The following ZNF516 variants were observed in gnomAD, a reference collection of about 807,000 sequenced individuals.
ZNF516 encodes the protein zinc finger protein 516.
A neutral mutation model predicts 79.7 loss-of-function variants in ZNF516; 19 were observed. The observed-to-expected ratio is 0.24, with a 90% CI of 0.17 to 0.35. ZNF516 has a LOEUF of 0.35. Ranked by LOEUF, ZNF516 falls within the 10% of genes least tolerant of loss-of-function variation. The pLI, the probability that ZNF516 is intolerant of heterozygous loss-of-function variation, is 1.00. For synonymous variants in ZNF516, 877 were observed against 739.5 expected (o/e 1.19, Z -3.02); for missense variants, 1,678 against 1,679.5 (o/e 1.00, Z 0.02).
chr18:76,403,537 G>A (rs898978507), intron 3 of ZNF516, among the ~76,000 whole-genome samples: 2 of 152,124 alleles, frequency 1.3e-5, no homozygotes, highest in Non-Finnish European at 2.9e-5. Flanking sequence ...GGACTGCAGG[G>A]GTCAGCGACT....
intron 4 of ZNF516, among the ~76,000 whole-genome samples, chr18:76,375,808 A>G (rs1362516422): frequency 1.3e-5 from 2 of 149,562 alleles, no homozygotes; most frequent in Non-Finnish European, 3.0e-5. Flanking sequence ...TAGAGGATGT[A>G]TGGGAAGGCC....
chr18:76,389,251 G>A (rs374779631), intron 3 of ZNF516: 4 of 151,868 alleles, frequency 2.6e-5, no homozygotes, highest in East Asian at 3.9e-4. Flanking sequence ...CTAAAGTCCC[G>A]GCTTCTGAGG....
chr18:76,442,363 C>T lies in ZNF516; in HGVS notation c.692G>A (p.Ser231Asn), dbSNP rs2145553151. 4 of 1,609,680 alleles carry T rather than the reference C, an allele frequency of 2.5e-6. No homozygotes were observed. Among genetic ancestry groups the T allele is most frequent in the Middle Eastern group, 1.7e-4 (1 of 6,058 alleles). Residue 231 changes from serine to asparagine, a missense_variant, in exon 3 of 7, where the codon AGC (serine) becomes AAC (asparagine). Ser to Asn is a conservative substitution (Grantham distance 46, BLOSUM62 1). Around this residue, in one of 5 missense-constraint regions of ZNF516, gnomAD observed 279 missense variants for 254.1 expected, o/e 1.10. Coordinates refer to ENST00000443185, the MANE Select transcript of ZNF516 (RefSeq NM_014643.4). Reference sequence around the variant, plus strand: ...GCCGTTCTCCACGCAGGCCTCGCCGCTGCCGGGCCCCTGCGCGGTGATGTG... The same window carrying T: ...GCCGTTCTCCACGCAGGCCTCGCCGTTGCCGGGCCCCTGCGCGGTGATGTG... ...RDHITAQGPG[S>N]GEACVENGKP...
intron 1 of ZNF516, among the ~76,000 whole-genome samples, chr18:76,494,712 G>A (rs898564814): frequency 6.6e-6 from 1 of 151,910 alleles, no homozygotes; most frequent in Non-Finnish European, 1.5e-5. Flanking sequence ...ATTAGCCGGA[G>A]CGTTTTACTT....
intron 1 of ZNF516, among the ~76,000 whole-genome samples, chr18:76,482,771 T>C (rs1914602001): frequency 6.6e-6 from 1 of 152,196 alleles, no homozygotes; most frequent in East Asian, 1.9e-4. Context: ...CAAACTATTA[T>C]TACCAACATA....
rs1568337747 is a variant in ZNF516, at chr18:76,493,523, TAAG to T, written c.-272+1618_-272+1620del. 1 of 152,256 alleles carries T rather than the reference TAAG, an allele frequency of 6.6e-6. No individual in the cohort carries two copies. Among genetic ancestry groups the T allele is most frequent in the East Asian group, 1.9e-4 (1 of 5,202 alleles). 9.4% of individuals were successfully genotyped at this position (152,256 alleles called of 1,614,324 possible). On this transcript the variant is annotated intron_variant, in intron 1 of 6. Transcript: ENST00000443185. The surrounding 1 kb of genome is among the most constrained non-coding windows in gnomAD (Gnocchi z 5.2). ...GCATGCGCCAGCAATCGTGTTTCCT[TAAG>T]AAAGAACTGACCTATTTTTGGCTGG... is the stretch of plus-strand genomic sequence containing the variant.
rs182039707 is a variant in ZNF516 at position 76,485,609 on chromosome 18, G to A, written c.-272+9535C>T. On this transcript the variant is annotated intron_variant, in intron 1 of 6. Coordinates refer to ENST00000443185, the MANE Select transcript of ZNF516 (RefSeq NM_014643.4). ...GACACATTTGCTTTGGTGTCGACTCGACAGCCATACAGAATGTTAAAAATG... is the reference window on the plus strand; with the variant it reads ...GACACATTTGCTTTGGTGTCGACTCAACAGCCATACAGAATGTTAAAAATG... Among the ~76,000 whole-genome samples, 7 of 152,102 alleles carry A rather than the reference G, an allele frequency of 4.6e-5. No homozygotes were observed. The East Asian group carries it at 5.8e-4, about 13-fold the overall frequency.
At position 76,451,836 on chromosome 18, in the gene ZNF516, A is replaced by C. The variant is rs563894722; in HGVS notation, c.-157-8625T>G. On this transcript the variant is annotated intron_variant, in intron 2 of 6. Coordinates refer to ENST00000443185, the MANE Select transcript of ZNF516 (RefSeq NM_014643.4). The surrounding 1 kb of genome is among the most constrained non-coding windows in gnomAD (Gnocchi z 6.0). The stretch of plus-strand genomic sequence containing the variant: ...AGCCTATTCTCTCAACAAATGGGGG[A>C]AAATTCCATCACAACAATGAAGAGT... 3.3e-5 allele frequency among the ~76,000 whole-genome samples: 5 copies of C among 152,348 alleles called. No homozygotes were observed. Among genetic ancestry groups the C allele is most frequent in the Non-Finnish European group, 7.3e-5 (5 of 68,030 alleles).
intron 2 of ZNF516, among the ~76,000 whole-genome samples, chr18:76,462,196 C>T (rs1310526781): frequency 6.6e-6 from 1 of 152,228 alleles, no homozygotes; most frequent in East Asian, 1.9e-4. Flanking sequence ...GCCACCCCAT[C>T]ACAGTGGGGA....
chr18:76,443,755 G>C (rs926805145), intron 2 of ZNF516, among the ~76,000 whole-genome samples: 1 of 152,208 alleles, frequency 6.6e-6, no homozygotes, highest in African/African-American at 2.4e-5. Context: ...TCCCTGTGCA[G>C]ACATCCTACA....
At chr18:76,438,081 G>A (rs1191923418) in intron 3 of ZNF516, among the ~76,000 whole-genome samples, 3 of 152,350 alleles carry the variant, frequency 2.0e-5, no homozygotes, top group South Asian at 2.1e-4. Flanking sequence ...GCAGCTCAAC[G>A]GGGCACCGCT....
chr18:76,404,500 T>C (rs1384142920), intron 3 of ZNF516, among the ~76,000 whole-genome samples: 2 of 143,824 alleles, frequency 1.4e-5, no homozygotes, highest in Admixed American at 6.7e-5. Context: ...CATGTGTGCA[T>C]GTGTGTGCAT....
chr18:76,485,499 A>G (rs1914776747), intron 1 of ZNF516, among the ~76,000 whole-genome samples: 1 of 152,224 alleles, frequency 6.6e-6, no homozygotes, highest in African/African-American at 2.4e-5. Flanking sequence ...GGATGAATAG[A>G]AATTTGTTTA....
At chr18:76,388,438 C>T (rs76189322) in intron 3 of ZNF516, 3,257 of 152,312 alleles carry the variant, frequency 0.021, 65 homozygotes, top group Non-Finnish European at 0.033. Flanking sequence ...GGAGTTTGAG[C>T]GCAAATAAGC....
chr18:76,420,510 A>G (rs1413494945), intron 3 of ZNF516, among the ~76,000 whole-genome samples: 1 of 152,194 alleles, frequency 6.6e-6, no homozygotes, highest in Non-Finnish European at 1.5e-5. Context: ...AGGTATATAT[A>G]CACTATTCTC....
intron 1 of ZNF516, among the ~76,000 whole-genome samples, chr18:76,489,214 TCCACAAC>T (rs1915012737): frequency 6.6e-6 from 1 of 152,140 alleles, no homozygotes; most frequent in African/African-American, 2.4e-5. Context: ...CAAATAAAAA[TCCACAAC>T]GACCCAATAC....
At chr18:76,473,518 T>C (rs1161421743) in intron 1 of ZNF516, among the ~76,000 whole-genome samples, 5 of 152,056 alleles carry the variant, frequency 3.3e-5, no homozygotes, top group Admixed American at 1.3e-4. Flanking sequence ...ACAAAAGTAG[T>C]TGGCTGGGTG....
chr18:76,440,329 T>C (rs542992630), intron 3 of ZNF516, among the ~76,000 whole-genome samples: 5 of 152,338 alleles, frequency 3.3e-5, no homozygotes, highest in East Asian at 1.9e-4. Flanking sequence ...CACCACAGAA[T>C]ATAAACAGCC....
chr18:76,433,833 C>G (rs1273190654), intron 3 of ZNF516, among the ~76,000 whole-genome samples: 1 of 152,206 alleles, frequency 6.6e-6, no homozygotes, highest in Non-Finnish European at 1.5e-5. Flanking sequence ...GCAGAATCAT[C>G]AGTCGGAATG....
Sources: gnomAD v4.1 joint callset for allele counts (sites outside exome capture counted in the v4.1 genomes callset) on GRCh38, gnomAD v4.1.1 for gene constraint, gnomAD v4.1.1 regional missense constraint, Gnocchi (gnomAD v3.1) non-coding constraint, MANE v1.5 for transcripts, NCBI Gene and HGNC (gene_info 2026-07-23, HGNC 2026-07-21) for gene names.